The following CSMD1 variants were observed in gnomAD, a reference collection of about 807,000 sequenced individuals.
The protein encoded by CSMD1 is CUB and Sushi multiple domains 1, also known as CUB and sushi domain-containing protein 1.
Under a neutral mutation model 417.5 loss-of-function variants are expected in CSMD1, and 213 were observed. That is an observed-to-expected ratio of 0.51 (90% CI 0.46 to 0.57). The LOEUF (loss-of-function observed/expected upper bound fraction) is 0.57, where lower values mean the gene tolerates loss of function less well. CSMD1 is among the 20% of genes least tolerant of loss of function. The pLI is 0.00. For synonymous variants in CSMD1, 2,862 were observed against 1,736.8 expected (o/e 1.65, Z -16.11); for missense variants, 6,923 against 4,529.7 (o/e 1.53, Z -15.17).
intron 3 of CSMD1, among the ~76,000 whole-genome samples, chr8:4,121,216 GC>G (rs1330122639): frequency 2.0e-4 from 31 of 152,252 alleles, no homozygotes; most frequent in African/African-American, 6.7e-4. Context: ...TCGGGTTCAA[GC>G]AATTCTCCTG....
intron 12 of CSMD1, among the ~76,000 whole-genome samples, chr8:3,459,664 G>C (rs1816376097): frequency 6.6e-6 from 1 of 152,142 alleles, no homozygotes; most frequent in Non-Finnish European, 1.5e-5. Flanking sequence ...TGGACTCAGA[G>C]AACCAGAGAG....
intron 3 of CSMD1, among the ~76,000 whole-genome samples, chr8:4,107,707 C>G (rs1397720701): frequency 6.6e-6 from 1 of 152,228 alleles, no homozygotes; most frequent in Non-Finnish European, 1.5e-5. Flanking sequence ...GGGCAGCGCA[C>G]ACGCTCCATC....
intron 11 of CSMD1, 124 bp from the exon 12 acceptor site, chr8:3,468,948 T>C (rs1816933406): frequency 3.3e-6 from 2 of 603,162 alleles, no homozygotes; most frequent in Non-Finnish European, 5.9e-6. Context: ...AAGACCCTCT[T>C]TCAAAGACTG....
intron 3 of CSMD1, among the ~76,000 whole-genome samples, chr8:4,286,227 C>A (rs138495851): frequency 5.1e-4 from 77 of 152,212 alleles, no homozygotes; most frequent in African/African-American, 1.6e-3. Context: ...TCCTTCTTGC[C>A]AAGCTCCATT....
At chr8:4,710,156 G>C (rs1178813773) in intron 1 of CSMD1, among the ~76,000 whole-genome samples, 1 of 151,894 alleles carries the variant, frequency 6.6e-6, no homozygotes, top group Non-Finnish European at 1.5e-5. Flanking sequence ...ATTAATTCCT[G>C]TCTGCATGCT....
intron 18 of CSMD1, among the ~76,000 whole-genome samples, chr8:3,371,643 A>G (rs1256418061): frequency 6.6e-6 from 1 of 152,210 alleles, no homozygotes; most frequent in Admixed American, 6.5e-5. Flanking sequence ...TTCCACAAAT[A>G]ATATTCACAA....
At chr8:3,809,003 G>A (rs561497643) in intron 5 of CSMD1, among the ~76,000 whole-genome samples, 10 of 152,274 alleles carry the variant, frequency 6.6e-5, no homozygotes, top group Admixed American at 4.6e-4. Flanking sequence ...AACATGACAT[G>A]GATGATTCAA....
At chr8:3,751,922 A>G (rs1030668950) in intron 6 of CSMD1, among the ~76,000 whole-genome samples, 8 of 152,210 alleles carry the variant, frequency 5.3e-5, no homozygotes, top group East Asian at 1.9e-4. Context: ...CTAACTGACT[A>G]TAGGATCAGT....
At chr8:3,236,997 G>T (rs897579104) in intron 26 of CSMD1, among the ~76,000 whole-genome samples, 1 of 152,000 alleles carries the variant, frequency 6.6e-6, no homozygotes. Context: ...GCTGCATCCA[G>T]AGCCATGCCA....
chr8:4,100,915 T>C (rs1392981052), intron 3 of CSMD1, among the ~76,000 whole-genome samples: 1 of 152,148 alleles, frequency 6.6e-6, no homozygotes, highest in South Asian at 2.1e-4. Context: ...GAAAGTGGTG[T>C]ATATGAAGGT....
chr8:3,205,038 T>C (rs1397788473), intron 31 of CSMD1, among the ~76,000 whole-genome samples: 2 of 152,190 alleles, frequency 1.3e-5, no homozygotes, highest in African/African-American at 2.4e-5. Context: ...GTCAAGACTC[T>C]GCCTGCTTCT....
chr8:4,957,648 CTA>C (rs932969896), intron 1 of CSMD1, among the ~76,000 whole-genome samples: 3 of 152,134 alleles, frequency 2.0e-5, no homozygotes, highest in African/African-American at 7.2e-5. Flanking sequence ...GTTTACCATT[CTA>C]GAGTTAAAAT....
chr8:4,804,271 T>A (rs942512861), intron 1 of CSMD1, among the ~76,000 whole-genome samples: 1 of 152,192 alleles, frequency 6.6e-6, no homozygotes, highest in African/African-American at 2.4e-5. Context: ...CCTCTAATTA[T>A]TGAAGCTGGA....
At chr8:3,673,415 G>C (rs748994548) in intron 7 of CSMD1, among the ~76,000 whole-genome samples, 62 of 152,192 alleles carry the variant, frequency 4.1e-4, no homozygotes, top group Non-Finnish European at 1.0e-4. Context: ...TGAAGACGTA[G>C]CATCAACTCC....
intron 1 of CSMD1, among the ~76,000 whole-genome samples, chr8:4,722,738 G>A (rs1809142220): frequency 6.6e-6 from 1 of 152,036 alleles, no homozygotes; most frequent in Non-Finnish European, 1.5e-5. Context: ...AGAAAAATTT[G>A]GTAGTCGTCA....
chr8:4,110,390 G>C (rs755086622), intron 3 of CSMD1, among the ~76,000 whole-genome samples: 2 of 152,104 alleles, frequency 1.3e-5, no homozygotes, highest in East Asian at 1.9e-4. Flanking sequence ...AAGTCAGCCA[G>C]CAGAAAGAGT....
intron 3 of CSMD1, among the ~76,000 whole-genome samples, chr8:4,247,904 C>G (rs773170818): frequency 6.6e-6 from 1 of 151,982 alleles, no homozygotes; most frequent in East Asian, 1.9e-4. Context: ...AAATTTTCAC[C>G]CAGATATTAA....
intron 2 of CSMD1, among the ~76,000 whole-genome samples, chr8:4,480,920 T>A (rs1231964868): frequency 6.6e-6 from 1 of 152,206 alleles, no homozygotes; most frequent in East Asian, 1.9e-4. Flanking sequence ...GAGTTCATCA[T>A]CTTAGTGACT....
intron 5 of CSMD1, among the ~76,000 whole-genome samples, chr8:3,942,410 G>A (rs1169079319): frequency 6.6e-6 from 1 of 152,090 alleles, no homozygotes; most frequent in Non-Finnish European, 1.5e-5. Context: ...ACACTGCTAA[G>A]GCAAAGCATT....
Sources: gnomAD v4.1 joint callset for allele counts (sites outside exome capture counted in the v4.1 genomes callset) on GRCh38, gnomAD v4.1.1 for gene constraint, MANE v1.5 for transcripts, NCBI Gene and HGNC (gene_info 2026-07-23, HGNC 2026-07-21) for gene names.